The following STK32B variants were observed in gnomAD, a reference collection of about 807,000 sequenced individuals.
STK32B encodes the protein serine/threonine-protein kinase 32B.
Under a neutral mutation model 52.6 loss-of-function variants are expected in STK32B, and 43 were observed. That is an observed-to-expected ratio of 0.82 (90% CI 0.64 to 1.05). STK32B has a LOEUF of 1.05. STK32B is among the 50% of genes least tolerant of loss of function. STK32B has a pLI of 0.00. For missense variants in STK32B, 621 were observed against 534.6 expected (o/e 1.16, Z -1.59); for synonymous variants, 238 against 204.3 (o/e 1.17, Z -1.41).
intron 3 of STK32B, among the ~76,000 whole-genome samples, chr4:5,201,487 A>C (rs1445726392): frequency 6.6e-6 from 1 of 152,028 alleles, no homozygotes; most frequent in Non-Finnish European, 1.5e-5. Flanking sequence ...GATGAGTTGC[A>C]CTCCCCAGCT....
chr4:5,257,865 C>A lies in STK32B; in HGVS notation c.261-73355C>A, dbSNP rs114436970. Among the ~76,000 whole-genome samples, 585 of 152,264 alleles carry A rather than the reference C, an allele frequency of 3.8e-3. 3 individuals carry two copies. The highest frequency in any genetic ancestry group is 0.013 in the African/African-American group (525 of 41,540). ...GGCTGATGTAGGAGAATAGTTTGAG[C>A]CTGGGAGGCAGAAGTTTCAGTGAGC... is the stretch of plus-strand genomic sequence containing the variant. On this transcript the variant is annotated intron_variant, in intron 3 of 11. Coordinates refer to ENST00000282908, the MANE Select transcript of STK32B (RefSeq NM_018401.3).
chr4:5,270,176 T>C (rs1181279420), intron 3 of STK32B, among the ~76,000 whole-genome samples: 1 of 152,156 alleles, frequency 6.6e-6, no homozygotes, highest in Non-Finnish European at 1.5e-5. Flanking sequence ...TAGATGTATA[T>C]ATAAAGAGGA....
chr4:5,285,391 A>G (rs1036563191), intron 3 of STK32B, among the ~76,000 whole-genome samples: 2 of 152,304 alleles, frequency 1.3e-5, no homozygotes, highest in East Asian at 1.9e-4. Context: ...AGAATACCCA[A>G]AATCTCAGTT....
chr4:5,305,133 A>G (rs543747491), intron 3 of STK32B, among the ~76,000 whole-genome samples: 77 of 152,078 alleles, frequency 5.1e-4, no homozygotes, highest in African/African-American at 1.7e-3. Context: ...CATCAGGGAT[A>G]TTGGTCTGTA....
intron 11 of STK32B, among the ~76,000 whole-genome samples, chr4:5,496,015 C>CG (rs1306087837): frequency 2.0e-5 from 3 of 152,304 alleles, no homozygotes; most frequent in South Asian, 4.1e-4. Flanking sequence ...TTAGGCTGCT[C>CG]GGGGGCAGGG....
intron 3 of STK32B, among the ~76,000 whole-genome samples, chr4:5,205,846 T>C (rs1255938298): frequency 6.6e-6 from 1 of 152,110 alleles, no homozygotes; most frequent in Non-Finnish European, 1.5e-5. Flanking sequence ...TTTCACCGAT[T>C]CTCATCTCCC....
chr4:5,478,530 C>T (rs1718411486), intron 11 of STK32B, among the ~76,000 whole-genome samples: 1 of 152,122 alleles, frequency 6.6e-6, no homozygotes, highest in Non-Finnish European at 1.5e-5. Context: ...AGGTAATCTC[C>T]CAATAACTGT....
intron 1 of STK32B, among the ~76,000 whole-genome samples, chr4:5,098,565 G>A (rs894110988): frequency 6.6e-6 from 1 of 152,238 alleles, no homozygotes; most frequent in East Asian, 1.9e-4. Flanking sequence ...AAGAGTTCTT[G>A]TAAGGAGGTA....
At chr4:5,171,168 T>A (rs1719340097) in intron 3 of STK32B, among the ~76,000 whole-genome samples, 1 of 152,026 alleles carries the variant, frequency 6.6e-6, no homozygotes, top group Admixed American at 6.5e-5. Flanking sequence ...GTTTTTTTCT[T>A]GTAAATTTGT....
rs1214511650 is a variant in STK32B, at chr4:5,204,457, T to TG, written c.260+36007_260+36008insG. On this transcript the variant is annotated intron_variant, in intron 3 of 11. Transcript: ENST00000282908. ...TTTTGTTTGTTTTTGTTTTTTAGGTTTTTTTGTTTTGTTTTGTTTTGTTTT... is the reference window on the plus strand; with the variant it reads ...TTTTGTTTGTTTTTGTTTTTTAGGTTGTTTTTGTTTTGTTTTGTTTTGTTTT... Among the ~76,000 whole-genome samples the TG allele has an allele frequency of 4.0e-3, 579 of 144,296 alleles. 9 individuals carry two copies. In the East Asian group the frequency reaches 0.055, roughly 14 times the overall value. 94.7% of individuals were successfully genotyped at this position (144,296 alleles called of 152,430 possible).
chr4:5,355,277 A>T (rs2108990688), intron 4 of STK32B, among the ~76,000 whole-genome samples: 1 of 152,304 alleles, frequency 6.6e-6, no homozygotes, highest in Admixed American at 6.5e-5. Flanking sequence ...TTATCGTTAT[A>T]ATATATGAGG....
chr4:5,238,163 G>C (rs1255840657), intron 3 of STK32B, among the ~76,000 whole-genome samples: 1 of 152,090 alleles, frequency 6.6e-6, no homozygotes, highest in Non-Finnish European at 1.5e-5. Context: ...AGAAATTATG[G>C]ATTCGCTCAC....
intron 4 of STK32B, among the ~76,000 whole-genome samples, chr4:5,390,305 A>C (rs1421220874): frequency 1.3e-5 from 2 of 152,178 alleles, no homozygotes; most frequent in African/African-American, 4.8e-5. Flanking sequence ...CAGCCATCCC[A>C]GTTATAATGG....
the STK32B span, among the ~76,000 whole-genome samples, chr4:5,023,021 A>G: frequency 0.25 from 37,374 of 148,782 alleles, 4,914 homozygotes; most frequent in Middle Eastern, 0.32. Flanking sequence ...GTGTGTGTGT[A>G]TATGTGTGTG....
At chr4:5,487,423 T>G (rs752671595) in intron 11 of STK32B, among the ~76,000 whole-genome samples, 22 of 152,184 alleles carry the variant, frequency 1.4e-4, no homozygotes, top group African/African-American at 3.9e-4. Flanking sequence ...ATATGATAAA[T>G]GATTAACAAC....
chr4:5,264,748 C>G (rs964912302), intron 3 of STK32B, among the ~76,000 whole-genome samples: 3 of 151,986 alleles, frequency 2.0e-5, no homozygotes, highest in Non-Finnish European at 2.9e-5. Context: ...GATTGCGCCA[C>G]TGCACTCCAG....
At chr4:5,116,289 G>C (rs1273665079) in intron 1 of STK32B, among the ~76,000 whole-genome samples, 1 of 152,070 alleles carries the variant, frequency 6.6e-6, no homozygotes, top group Non-Finnish European at 1.5e-5. Flanking sequence ...TCTGTACTTA[G>C]AAGGGCCCCG....
intron 2 of STK32B, among the ~76,000 whole-genome samples, chr4:5,159,217 G>A (rs1404448266): frequency 6.6e-6 from 1 of 152,154 alleles, no homozygotes; most frequent in Non-Finnish European, 1.5e-5. Flanking sequence ...CAGTCTCTCT[G>A]TGTACGCTGA....
chr4:5,338,421 A>G (rs538086618), intron 4 of STK32B, among the ~76,000 whole-genome samples: 5 of 152,340 alleles, frequency 3.3e-5, no homozygotes, highest in African/African-American at 1.2e-4. Context: ...ACCAGGGTAG[A>G]GTATGCTTCT....
Sources: gnomAD v4.1 joint callset for allele counts (sites outside exome capture counted in the v4.1 genomes callset) on GRCh38, gnomAD v4.1.1 for gene constraint, MANE v1.5 for transcripts, NCBI Gene and HGNC (gene_info 2026-07-23, HGNC 2026-07-21) for gene names.